Variants in CD22 observed in about 807,000 individuals in gnomAD.
CD22 encodes the protein CD22 molecule.
A neutral mutation model predicts 94.7 loss-of-function variants in CD22; 51 were observed. That is an observed-to-expected ratio of 0.54 (90% CI 0.43 to 0.68). The LOEUF (loss-of-function observed/expected upper bound fraction) is 0.68, where lower values mean the gene tolerates loss of function less well. Ranked by LOEUF, CD22 falls within the 30% of genes least tolerant of loss-of-function variation. CD22 has a pLI of 0.00. For synonymous variants in CD22, 424 were observed against 422.5 expected (o/e 1.00, Z -0.04); for missense variants, 931 against 1,060.4 (o/e 0.88, Z 1.69).
intron 6 of CD22, among the ~76,000 whole-genome samples, chr19:35,340,020 A>C (rs1415578715): frequency 6.6e-6 from 1 of 152,160 alleles, no homozygotes; most frequent in Non-Finnish European, 1.5e-5. Context: ...AACACAGTGA[A>C]TCTTGTTACC....
chr19:35,344,063 G>A (rs2066860469), intron 9 of CD22, among the ~76,000 whole-genome samples: 1 of 152,184 alleles, frequency 6.6e-6, no homozygotes, highest in Non-Finnish European at 1.5e-5. Flanking sequence ...GGGTGTGGTG[G>A]CGCGCACCTG....
chr19:35,330,265 G>C (rs1480032902), intron 1 of CD22, among the ~76,000 whole-genome samples: 5 of 152,186 alleles, frequency 3.3e-5, no homozygotes, highest in Non-Finnish European at 1.5e-5. Context: ...GAACCCTGGA[G>C]GCAGAGGATG....
intron 9 of CD22, among the ~76,000 whole-genome samples, chr19:35,344,197 ATC>A: frequency 2.8e-5 from 1 of 35,752 alleles, no homozygotes; most frequent in East Asian, 2.5e-3. Flanking sequence ...CTCTGTCTCA[ATC>A]AATCAATCAG....
intron 3 of CD22, among the ~76,000 whole-genome samples, chr19:35,335,068 ACT>A (rs2066700210): frequency 1.6e-5 from 2 of 124,226 alleles, no homozygotes; most frequent in African/African-American, 6.4e-5. Flanking sequence ...ACAGAGCGAG[ACT>A]CTGTCTCAAA....
rs1387731943 is a variant in CD22, at chr19:35,334,195, A to T, written c.412+1271A>T. 3.3e-5 allele frequency among the ~76,000 whole-genome samples: 5 copies of T among 152,202 alleles called. No homozygotes were observed. The East Asian group carries it at 9.6e-4, about 29-fold the overall frequency. On this transcript the variant is annotated intron_variant, in intron 3 of 13. Coordinates refer to ENST00000085219, the MANE Select transcript of CD22 (RefSeq NM_001771.4). ...TCAAAGCTGTTGTGCCCCTCGGCTC[A>T]TCAAATTTCTGGATGTCATCAAGGA...
chr19:35,345,888 G>A (rs1326839616), intron 12 of CD22, among the ~76,000 whole-genome samples, 168 bp downstream of exon 12: 1 of 152,214 alleles, frequency 6.6e-6, no homozygotes, highest in African/African-American at 2.4e-5. Context: ...GTCTCCAGAA[G>A]TGGACCTGCT....
chr19:35,329,390 A>G (rs773173266), intron 1 of CD22, 160 bp downstream of exon 1: 41 of 415,046 alleles, frequency 9.9e-5, no homozygotes, highest in Non-Finnish European at 1.3e-4. Context: ...CCCTGTCTTG[A>G]GCATCCTCCT....
chr19:35,334,951 G>C (rs1179789328), intron 3 of CD22, among the ~76,000 whole-genome samples: 1 of 151,868 alleles, frequency 6.6e-6, no homozygotes, highest in African/African-American at 2.4e-5. Context: ...GGTGGCAGGC[G>C]CCTGTAGTCC....
chr19:35,344,122 G>A (rs1210828738), intron 9 of CD22, among the ~76,000 whole-genome samples: 1 of 152,334 alleles, frequency 6.6e-6, no homozygotes, highest in South Asian at 2.1e-4. Flanking sequence ...CTTGAACCCG[G>A]GAGGCAGAGG....
intron 9 of CD22, 65 bp downstream of exon 9, chr19:35,342,030 C>CTTCCTTAA (rs1275868535): frequency 4.6e-6 from 5 of 1,086,598 alleles, no homozygotes; most frequent in Non-Finnish European, 5.1e-6. Context: ...TCCTTCCTTC[C>CTTCCTTAA]TTCCTTCCTT....
Position 35,341,488 on chromosome 19 carries a change from G to C in CD22, c.1653G>C (p.Gly551=). 2.5e-6 allele frequency: 4 copies of C among 1,614,180 alleles called. No homozygotes were observed. The highest frequency in any genetic ancestry group is 3.4e-6 in the Non-Finnish European group (4 of 1,180,022). Residue 551 remains glycine (G), a synonymous_variant, in exon 8 of 14, where the codon GGG becomes GGC. Coordinates refer to ENST00000085219, the MANE Select transcript of CD22 (RefSeq NM_001771.4). This position sits in a 1 kb window ranked among gnomAD's most constrained non-coding sequence, Gnocchi z 4.0. ...FFWEKNGRLL[G]KESQLNFDSI... ...GGGAGAAAAATGGCAGGCTTCTGGG[G>C]AAAGAAAGCCAGCTGAATTTTGACT... is the stretch of plus-strand genomic sequence containing the variant.
chr19:35,345,420 CAAA>C (rs61349223), intron 11 of CD22, 179 bp from the exon 12 acceptor site: 6,414 of 152,008 alleles, frequency 0.042, no homozygotes, highest in Middle Eastern at 0.07. Flanking sequence ...GACTCTGCCT[CAAA>C]AAAAAAAAAA....
chr19:35,345,852 G>A (rs2066899028), intron 12 of CD22, 132 bp downstream of exon 12: 6 of 711,784 alleles, frequency 8.4e-6, no homozygotes, highest in African/African-American at 3.5e-5. Context: ...ATTCCCACTC[G>A]GCAACAAGCC....
At chr19:35,332,185 C>T (rs1015966399) in intron 2 of CD22, 111 bp downstream of exon 2, 38 of 1,182,284 alleles carry the variant, frequency 3.2e-5, no homozygotes, top group African/African-American at 1.5e-4. Context: ...GTGGGGGCAG[C>T]GGTGTGTATA....
At chr19:35,344,654 G>T in intron 9 of CD22, 175 bp from the exon 10 acceptor site, 2 of 630,170 alleles carry the variant, frequency 3.2e-6, no homozygotes, top group Non-Finnish European at 2.8e-6. Flanking sequence ...TATTCCTAAA[G>T]GGAGGCCCAG....
chr19:35,344,944 C>T lies in CD22; in HGVS notation c.2132+19C>T, dbSNP rs945088407. Reference sequence around the variant, plus strand: ...AGCGACGGTGAGCTCCTGCCATCCCCCACCACCTCCTCTATCCCTTGGCAG... The same window carrying T: ...AGCGACGGTGAGCTCCTGCCATCCCTCACCACCTCCTCTATCCCTTGGCAG... On this transcript the variant is annotated intron_variant, in intron 10 of 13. Transcript: ENST00000085219. The T allele has an allele frequency of 1.2e-6, 2 of 1,607,102 alleles. No individual in the cohort carries two copies. The highest frequency in any genetic ancestry group is 1.7e-6 in the Non-Finnish European group (2 of 1,173,572).
At position 35,332,932 on chromosome 19, in the gene CD22, C is replaced by T. The variant is rs1271507905; in HGVS notation, c.412+8C>T. The T allele has an allele frequency of 6.2e-7, 1 of 1,610,082 alleles. No homozygotes were observed. The highest frequency in any genetic ancestry group is 8.5e-7 in the Non-Finnish European group (1 of 1,176,902). The stretch of plus-strand genomic sequence containing the variant: ...TACACCTCAATGTCTCTGGTAAGGC[C>T]TTCGGGGAGCGGGTCCTCTGCTCTG... On this transcript the variant is annotated splice_region_variant and intron_variant, in intron 3 of 13. Transcript: ENST00000085219.
chr19:35,344,654 G>A lies in CD22; in HGVS notation c.2036-175G>A. 1.1e-5 allele frequency: 7 copies of A among 630,174 alleles called. No individual in the cohort carries two copies. The South Asian group carries it at 1.4e-4, about 12-fold the overall frequency. 39.0% of individuals were successfully genotyped at this position (630,174 alleles called of 1,614,324 possible). A position where few individuals can be genotyped will look rare whatever the true frequency, so the allele number is the denominator to read the frequency against. ...GGAGAATTAGTGCCTTATTCCTAAA[G>A]GGAGGCCCAGAGCAAGCAGGGGCCG... On this transcript the variant is annotated intron_variant, in intron 9 of 13. Coordinates refer to ENST00000085219, the MANE Select transcript of CD22 (RefSeq NM_001771.4).
chr19:35,329,608 C>T (rs1006506905), intron 1 of CD22: 4 of 207,276 alleles, frequency 1.9e-5, no homozygotes, highest in South Asian at 8.8e-5. Context: ...TTCCAATTCC[C>T]GGGCCTGGGG....
Sources: allele counts gnomAD v4.1 joint callset (sites outside exome capture counted in the v4.1 genomes callset), GRCh38; gene constraint gnomAD v4.1.1; non-coding constraint Gnocchi (gnomAD v3.1); transcripts MANE v1.5; gene names NCBI Gene and HGNC (gene_info 2026-07-23, HGNC 2026-07-21).